WFDC1: variants seen among roughly 807,000 people sequenced by gnomAD.
The protein encoded by WFDC1 is WAP four-disulfide core domain 1, also known as WAP four-disulfide core domain protein 1.
In WFDC1, 39 loss-of-function variants were observed where a neutral mutation model predicts 32.9. The ratio of observed to expected loss-of-function variants is 1.19; its 90% CI spans 0.92 to 1.55. The LOEUF (loss-of-function observed/expected upper bound fraction) is 1.55. Ranked by LOEUF, WFDC1 falls within the 40% of genes most tolerant of loss-of-function variation. The pLI, the probability that WFDC1 is intolerant of heterozygous loss-of-function variation, is 0.00. For synonymous variants in WFDC1, 184 were observed against 137.4 expected, an observed-to-expected ratio of 1.34 and a Z score of -2.37; for missense variants, 386 against 309.5, an observed-to-expected ratio of 1.25 and a Z score of -1.85.
chr16:84,324,504 A>T, intron 5 of WFDC1, 44 bp downstream of exon 5: 1 of 1,598,250 alleles, frequency 6.3e-7, no homozygotes, highest in Middle Eastern at 1.7e-4. Flanking sequence ...GCACAAAAAA[A>T]AGGCAGTGAA....
intron 2 of WFDC1, among the ~76,000 whole-genome samples, chr16:84,313,363 G>A (rs1907762307): frequency 6.6e-6 from 1 of 152,202 alleles, no homozygotes; most frequent in African/African-American, 2.4e-5. Context: ...TGCCCCTGGG[G>A]ACTTGCGTTG....
intron 1 of WFDC1, among the ~76,000 whole-genome samples, chr16:84,306,388 GAGTT>G (rs1473651779): frequency 2.0e-5 from 3 of 152,184 alleles, no homozygotes; most frequent in African/African-American, 7.2e-5. Flanking sequence ...CTGTGAAAAA[GAGTT>G]AGGAAGCGTT....
At chr16:84,301,260 G>A (rs1474380609) in intron 1 of WFDC1, among the ~76,000 whole-genome samples, 1 of 152,194 alleles carries the variant, frequency 6.6e-6, no homozygotes, top group African/African-American at 2.4e-5. Flanking sequence ...TAAGCCCCCA[G>A]CGTGTGGCAT....
chr16:84,311,733 C>T lies in WFDC1; in HGVS notation c.145-1228C>T, dbSNP rs112704933. On this transcript the variant is annotated intron_variant, in intron 1 of 6. Coordinates refer to ENST00000219454, the MANE Select transcript of WFDC1 (RefSeq NM_021197.4). ...TTTTTTTTTAGTGGAGAAGGGGTTT[C>T]GCTATGTTGGCCAGCCTGGTCTCAA... Among the ~76,000 whole-genome samples, 302 of 116,726 alleles carry T rather than the reference C, an allele frequency of 2.6e-3. 2 individuals carry two copies. Among genetic ancestry groups the T allele is most frequent in the African/African-American group, 9.3e-3 (285 of 30,552 alleles). The allele number at this position is 116,726 out of a possible 152,430, so 76.6% of individuals were successfully genotyped here.
At chr16:84,312,763 C>T (rs548167203) in intron 1 of WFDC1, among the ~76,000 whole-genome samples, 198 bp from the exon 2 acceptor site, 3 of 152,144 alleles carry the variant, frequency 2.0e-5, no homozygotes, top group Non-Finnish European at 4.4e-5. Context: ...TTCGTGCCGA[C>T]TGTTATAAAA....
At chr16:84,315,395 A>G (rs1907890381) in intron 2 of WFDC1, among the ~76,000 whole-genome samples, 1 of 152,220 alleles carries the variant, frequency 6.6e-6, no homozygotes, top group Admixed American at 6.5e-5. Flanking sequence ...TCAGCCCCAC[A>G]GGGCAGGGAG....
intron 2 of WFDC1, chr16:84,316,423 A>T (rs1171211526): frequency 6.6e-6 from 1 of 152,230 alleles, no homozygotes; most frequent in Non-Finnish European, 1.5e-5. Flanking sequence ...TGCAGAGGTC[A>T]CAAGCAAATG....
chr16:84,319,633 G>C (rs1263718225), intron 4 of WFDC1, 62 bp downstream of exon 4: 1 of 1,579,820 alleles, frequency 6.3e-7, no homozygotes, highest in Non-Finnish European at 8.6e-7. Flanking sequence ...CCCTGTAAGC[G>C]CCTCTCACCC....
chr16:84,324,348 G>A, intron 4 of WFDC1, 71 bp from the exon 5 acceptor site: 2 of 1,393,766 alleles, frequency 1.4e-6, no homozygotes, highest in South Asian at 2.4e-5. Context: ...TAATTCCTCA[G>A]TGTTATTATG....
chr16:84,310,310 A>G (rs1484030717), intron 1 of WFDC1, among the ~76,000 whole-genome samples: 3 of 152,076 alleles, frequency 2.0e-5, no homozygotes, highest in African/African-American at 7.2e-5. Flanking sequence ...GTCCCTCTGG[A>G]AGACCTGAAG....
chr16:84,313,777 A>T (rs965291179), intron 2 of WFDC1, among the ~76,000 whole-genome samples: 2 of 152,230 alleles, frequency 1.3e-5, no homozygotes, highest in Non-Finnish European at 2.9e-5. Flanking sequence ...TCCACCGGCC[A>T]GCTGTCACTT....
intron 2 of WFDC1, 149 bp downstream of exon 2, chr16:84,313,302 G>C: frequency 1.5e-6 from 1 of 652,838 alleles, no homozygotes; most frequent in Non-Finnish European, 2.2e-6. Flanking sequence ...AACTGGGACG[G>C]GCGCTCCTTG....
chr16:84,311,520 G>T (rs960238121), intron 1 of WFDC1, among the ~76,000 whole-genome samples: 1 of 128,872 alleles, frequency 7.8e-6, no homozygotes. Context: ...GAGCCACTGC[G>T]CCTGGACTTT....
At chr16:84,312,826 C>T (rs1028001506) in intron 1 of WFDC1, 135 bp from the exon 2 acceptor site, 1 of 411,248 alleles carries the variant, frequency 2.4e-6, no homozygotes, top group African/African-American at 2.1e-5. Flanking sequence ...CTGGCTCTGC[C>T]TGCTTGCTGT....
intron 1 of WFDC1, among the ~76,000 whole-genome samples, chr16:84,303,090 G>T (rs1907044177): frequency 6.7e-6 from 1 of 149,726 alleles, no homozygotes; most frequent in South Asian, 2.1e-4. Context: ...TGTCCCCAGA[G>T]CCCAGTGTTA....
chr16:84,313,215 G>C (rs1025045374), intron 2 of WFDC1, 62 bp downstream of exon 2: 14 of 1,326,798 alleles, frequency 1.1e-5, no homozygotes, highest in African/African-American at 1.6e-5. Context: ...AGCTGTCCCG[G>C]GGGAGGGGAA....
chr16:84,326,674 C>T (rs112193593), intron 5 of WFDC1: 23 of 570,512 alleles, frequency 4.0e-5, no homozygotes, highest in African/African-American at 3.6e-4. Context: ...GGAGGTAAGA[C>T]CAGAAACATA....
chr16:84,301,121 C>T (rs939311130), intron 1 of WFDC1, among the ~76,000 whole-genome samples: 3 of 152,156 alleles, frequency 2.0e-5, no homozygotes, highest in Non-Finnish European at 4.4e-5. Context: ...TGCCAGCCAC[C>T]ACTGGAAGCT....
At position 84,312,992 on chromosome 16, in the gene WFDC1, G is replaced by C. The variant is rs1420489459; in HGVS notation, c.176G>C (p.Arg59Pro). 1.7e-6 allele frequency: 2 copies of C among 1,200,644 alleles called. No individual in the cohort carries two copies. The highest frequency in any genetic ancestry group is 1.6e-5 in the African/African-American group (1 of 62,730). The allele number at this position is 1,200,644 out of a possible 1,614,324, so 74.4% of individuals were successfully genotyped here. The part of the protein sequence containing the change: ...AEEAGAPGGP[R>P]QPRADRCPPP... Reference sequence around the variant, plus strand: ...GAGGCGGGCGCGCCCGGCGGCCCCCGGCAGCCCCGAGCAGACCGCTGCCCG... The same window carrying C: ...GAGGCGGGCGCGCCCGGCGGCCCCCCGCAGCCCCGAGCAGACCGCTGCCCG... The change falls in exon 2 of 7, where the codon CGG (arginine) becomes CCG (proline). Residue 59 changes from arginine (R) to proline (P), a missense_variant. Arg to Pro is a moderately radical substitution (Grantham distance 103). Transcript: ENST00000219454.
Sources: allele counts gnomAD v4.1 joint callset (sites outside exome capture counted in the v4.1 genomes callset), GRCh38; gene constraint gnomAD v4.1.1; transcripts MANE v1.5; gene names NCBI Gene and HGNC (gene_info 2026-07-23, HGNC 2026-07-21).